SMS: variants seen among roughly 807,000 people sequenced by gnomAD.
SMS encodes spermine synthase, also known as spermidine aminopropyltransferase.
A neutral mutation model predicts 33.0 loss-of-function variants in SMS; 3 were observed. The ratio of observed to expected loss-of-function variants is 0.09; its 90% CI spans 0.04 to 0.23. The LOEUF is 0.23. Ranked by LOEUF, SMS falls within the 10% of genes least tolerant of loss-of-function variation. The pLI is 1.00. For synonymous variants in SMS, 103 were observed against 112.2 expected (o/e 0.92, Z 0.52); for missense variants, 117 against 288.6 (o/e 0.41, Z 4.31).
At chrX:21,952,029 A>G (rs928744949) in intron 1 of SMS, among the ~76,000 whole-genome samples, 1 of 111,855 alleles carries the variant, frequency 8.9e-6, no homozygotes, top group Admixed American at 9.5e-5. Flanking sequence ...GTACGTAAAA[A>G]CACTGGATTT....
In SMS at chrX:21,977,045, T is replaced by C; in HGVS notation, c.330-16T>C. ...GTGTTCTAGTAAGGTACATTTCTGT[T>C]TTTCTCTTTTTCCAGATTACCACCC... On this transcript the variant is annotated splice_polypyrimidine_tract_variant and intron_variant, in intron 4 of 10. Coordinates refer to ENST00000404933, the MANE Select transcript of SMS (RefSeq NM_004595.5). 1 of 1,203,035 alleles carries C rather than the reference T, an allele frequency of 8.3e-7. No individual in the cohort carries two copies. The highest frequency in any genetic ancestry group is 1.1e-6 in the Non-Finnish European group (1 of 887,721).
At chrX:21,993,506 T>G (rs1278888143) in intron 10 of SMS, among the ~76,000 whole-genome samples, 1 of 112,174 alleles carries the variant, frequency 8.9e-6, no homozygotes, top group African/African-American at 3.2e-5. Flanking sequence ...GACGGCAGGG[T>G]TTTTTTGCTG....
In SMS at chrX:21,940,745, G is replaced by T; in HGVS notation, c.-80G>T. ...CCCCGGGCGCAGCACACTCCCAGCC[G>T]GCCGCAGCCTGACACGCCGCGCGGC... On this transcript the variant is annotated 5_prime_UTR_variant, in exon 1 of 11. Coordinates refer to ENST00000404933, the MANE Select transcript of SMS (RefSeq NM_004595.5). The T allele has an allele frequency of 1.2e-6, 1 of 838,490 alleles. No individual in the cohort carries two copies. The highest frequency in any genetic ancestry group is 1.6e-6 in the Non-Finnish European group (1 of 608,966). 69.1% of individuals were successfully genotyped at this position (838,490 alleles called of 1,213,427 possible).
chrX:21,988,327 T>C (rs1351895053), intron 9 of SMS, among the ~76,000 whole-genome samples: 1 of 111,308 alleles, frequency 9.0e-6, no homozygotes, highest in East Asian at 2.8e-4. Context: ...GTAACCCAGA[T>C]TCTTGGCATG....
intron 1 of SMS, among the ~76,000 whole-genome samples, chrX:21,957,252 T>G (rs750864014): frequency 1.8e-5 from 2 of 110,073 alleles, no homozygotes; most frequent in Non-Finnish European, 3.8e-5. Flanking sequence ...AATCACAGTT[T>G]ATGTGGATTA....
chrX:21,954,731 A>T (rs1764299432), intron 1 of SMS, among the ~76,000 whole-genome samples: 1 of 108,324 alleles, frequency 9.2e-6, no homozygotes, highest in Admixed American at 9.7e-5. Context: ...TAAATGTGAT[A>T]TTTTTTTTTG....
intron 1 of SMS, among the ~76,000 whole-genome samples, chrX:21,962,377 A>G (rs2283723): frequency 0.5 from 55,145 of 111,365 alleles, 12,200 homozygotes; most frequent in African/African-American, 0.88. Context: ...CAGGTTACCC[A>G]TGGCTTCAGT....
intron 8 of SMS, among the ~76,000 whole-genome samples, chrX:21,984,683 A>C (rs1444423441): frequency 8.9e-6 from 1 of 112,154 alleles, no homozygotes. Context: ...CAATTTATTT[A>C]AATTATGTGA....
At chrX:21,988,595 G>A (rs781014866) in intron 9 of SMS, among the ~76,000 whole-genome samples, 95 of 104,669 alleles carry the variant, frequency 9.1e-4, no homozygotes, top group African/African-American at 3.1e-3. Flanking sequence ...AACCCAGGAG[G>A]CGGAGCTTGC....
chrX:21,962,650 A>AG (rs1398384970), intron 1 of SMS, among the ~76,000 whole-genome samples: 1 of 111,408 alleles, frequency 9.0e-6, no homozygotes, highest in East Asian at 2.8e-4. Context: ...AAAATTCCTC[A>AG]GGTGATTATT....
intron 7 of SMS, among the ~76,000 whole-genome samples, chrX:21,980,436 A>ATG (rs1185416123): frequency 1.8e-4 from 15 of 81,224 alleles, no homozygotes; most frequent in Middle Eastern, 6.8e-3. Flanking sequence ...AAAAATATAT[A>ATG]TATATATATA....
At chrX:21,945,634 T>TCCCCCCCCCCCCCCCCCCCCC (rs376720187) in intron 1 of SMS, among the ~76,000 whole-genome samples, 3 of 34,140 alleles carry the variant, frequency 8.8e-5, no homozygotes, top group Admixed American at 4.2e-4. Flanking sequence ...TTGCTTCCCG[T>TCCCCCCCCCCCCCCCCCCCCC]CCCCCCCCCC....
intron 1 of SMS, among the ~76,000 whole-genome samples, chrX:21,964,920 G>C (rs993298812): frequency 2.7e-5 from 3 of 111,765 alleles, no homozygotes; most frequent in Non-Finnish European, 5.6e-5. Context: ...AGAAGTTCCA[G>C]ATCAAAACGT....
At chrX:21,951,604 G>A (rs1053198212) in intron 1 of SMS, among the ~76,000 whole-genome samples, 4 of 111,367 alleles carry the variant, frequency 3.6e-5, no homozygotes, top group Admixed American at 9.5e-5. Flanking sequence ...TCCATCTTGA[G>A]TTAATTTTTT....
chrX:21,954,711 C>T (rs974632493), intron 1 of SMS, among the ~76,000 whole-genome samples: 4 of 111,650 alleles, frequency 3.6e-5, no homozygotes, highest in Admixed American at 9.5e-5. Context: ...GTATCAAGTA[C>T]GGTCTAATAT....
At chrX:21,964,137 C>A (rs1159701603) in intron 1 of SMS, among the ~76,000 whole-genome samples, 1 of 108,822 alleles carries the variant, frequency 9.2e-6, no homozygotes. Flanking sequence ...CAGACCTTCG[C>A]TTTTAATTTC....
rs138642354 is a variant in SMS at position 21,969,244 on chromosome X, C to T, written c.170+1928C>T. The stretch of plus-strand genomic sequence containing the variant: ...CAAAGACATCCTAACCCCTTCTTCC[C>T]CAAGCCCAGGCTTGTATTTCTAACT... On this transcript the variant is annotated intron_variant, in intron 2 of 10. Transcript: ENST00000404933. Among the ~76,000 whole-genome samples the T allele has an allele frequency of 3.4e-3, 381 of 112,013 alleles. 1 individual carries two copies. Among genetic ancestry groups the T allele is most frequent in the African/African-American group, 0.012 (361 of 30,842 alleles).
At chrX:21,984,216 C>A in intron 7 of SMS, 88 bp from the exon 8 acceptor site, 1 of 636,457 alleles carries the variant, frequency 1.6e-6, no homozygotes, top group Non-Finnish European at 2.7e-6. Context: ...CCATACTTGG[C>A]GCTTTTTTCC....
At chrX:21,973,407 A>G (rs1044326189) in intron 4 of SMS, among the ~76,000 whole-genome samples, 2 of 113,017 alleles carry the variant, frequency 1.8e-5, no homozygotes, top group Non-Finnish European at 3.7e-5. Flanking sequence ...ACTGCGCTCC[A>G]TCCTGGGCAA....
Sources: allele counts gnomAD v4.1 joint callset (sites outside exome capture counted in the v4.1 genomes callset), GRCh38; gene constraint gnomAD v4.1.1; transcripts MANE v1.5; gene names NCBI Gene and HGNC (gene_info 2026-07-23, HGNC 2026-07-21).